ANKRD27: variants seen among roughly 807,000 people sequenced by gnomAD.
ANKRD27 encodes ankyrin repeat domain-containing protein 27.
ANKRD27 carries 112 observed loss-of-function variants against 129.7 expected under a neutral mutation model. That is an observed-to-expected ratio of 0.86 (90% CI 0.74 to 1.01). The LOEUF is 1.01. Among genes scored for constraint, ANKRD27 ranks in the 50% least tolerant of loss-of-function variants. ANKRD27 has a pLI of 0.00. For missense variants in ANKRD27, 1,258 were observed against 1,300.5 expected, an observed-to-expected ratio of 0.97 and a Z score of 0.50; for synonymous variants, 516 against 511.2, an observed-to-expected ratio of 1.01 and a Z score of -0.13.
chr19:32,608,247 G>C, intron 22 of ANKRD27: 1 of 241,818 alleles, frequency 4.1e-6, no homozygotes, highest in Non-Finnish European at 7.9e-6. Context: ...CCAGGTTCAT[G>C]TGGTCCTCCC....
chr19:32,604,318 G>T lies in ANKRD27; in HGVS notation c.2600C>A (p.Ala867Glu), dbSNP rs753864994. ...FVVELLLLHGASVQVLNKRQR... is the reference protein window; with the variant it reads ...FVVELLLLHGESVQVLNKRQR... ...CCGCTTGTTCAGCACCTGAACTGACGCTCCGTGGAGCAGAAGCAGCTCTAC... is the reference window on the plus strand; with the variant it reads ...CCGCTTGTTCAGCACCTGAACTGACTCTCCGTGGAGCAGAAGCAGCTCTAC... The change falls in exon 25 of 29, where the codon GCG (alanine) becomes GAG (glutamate). Residue 867 changes from alanine (A) to glutamate (E), a missense_variant. Transcript: ENST00000306065. 1.9e-6 allele frequency: 3 copies of T among 1,613,862 alleles called. No homozygotes were observed. Among genetic ancestry groups the T allele is most frequent in the Non-Finnish European group, 2.5e-6 (3 of 1,180,012 alleles).
At position 32,633,550 on chromosome 19, in the gene ANKRD27, C is replaced by CT. The variant is rs548877582; in HGVS notation, c.1117-2057dup. 5.0e-4 allele frequency among the ~76,000 whole-genome samples: 76 copies of CT among 151,692 alleles called. 4 individuals carry two copies. In the South Asian group the frequency reaches 0.016, roughly 31 times the overall value. On this transcript the variant is annotated intron_variant, in intron 12 of 28. Transcript: ENST00000306065. ...CATTGCCCAGGCTGGTCTCGAACTC[C>CT]TGGCCTCAGGTGATCCTCCTGCCTC...
intron 23 of ANKRD27, 92 bp from the exon 24 acceptor site, chr19:32,606,046 TA>T (rs1462356536): frequency 1.7e-6 from 2 of 1,182,240 alleles, no homozygotes; most frequent in South Asian, 2.0e-5. Context: ...AATAAATAAA[TA>T]AAATAAGAAA....
chr19:32,623,479 CTG>C (rs1488172087), intron 17 of ANKRD27, among the ~76,000 whole-genome samples: 2 of 151,944 alleles, frequency 1.3e-5, no homozygotes, highest in African/African-American at 4.8e-5. Flanking sequence ...ACCACACTTC[CTG>C]TGTGTTGTTC....
rs554974570 is a variant in ANKRD27, at chr19:32,629,094, T to C, written c.1210-245A>G. ...TGCCACCACACCTGGCTAATTTTTA[T>C]ATTTTTAGTAGACACGGGGTTTTGC... On this transcript the variant is annotated intron_variant, in intron 13 of 28. Transcript: ENST00000306065. 3.3e-5 allele frequency among the ~76,000 whole-genome samples: 5 copies of C among 152,298 alleles called. No individual in the cohort carries two copies. In the East Asian group the frequency reaches 9.7e-4, roughly 30 times the overall value.
At chr19:32,631,058 G>A (rs886808033) in intron 13 of ANKRD27, among the ~76,000 whole-genome samples, 3 of 151,222 alleles carry the variant, frequency 2.0e-5, no homozygotes, top group African/African-American at 7.3e-5. Context: ...TCTCTCTGTC[G>A]CCCAGGCTAG....
chr19:32,615,312 C>G (rs913789379), intron 22 of ANKRD27, among the ~76,000 whole-genome samples: 1 of 152,162 alleles, frequency 6.6e-6, no homozygotes, highest in Non-Finnish European at 1.5e-5. Flanking sequence ...TGGCCAGGAG[C>G]AGTGGCTCAC....
intron 17 of ANKRD27, 139 bp from the exon 18 acceptor site, chr19:32,622,758 CCTCATT>C: frequency 2.8e-6 from 2 of 703,896 alleles, no homozygotes; most frequent in South Asian, 3.6e-5. Flanking sequence ...GATCAGGACA[CCTCATT>C]CTCATTCATT....
At chr19:32,638,182 T>C (rs1967126875) in intron 12 of ANKRD27, 1 of 152,274 alleles carries the variant, frequency 6.6e-6, no homozygotes, top group South Asian at 2.1e-4. Flanking sequence ...GAACTCATGG[T>C]GCTTTCTCCA....
chr19:32,673,464 T>G, intron 1 of ANKRD27: 1 of 985,256 alleles, frequency 1.0e-6, no homozygotes. Context: ...TCCCCTGCAC[T>G]CCCCACCAGG....
At chr19:32,605,458 G>A (rs140875601) in intron 24 of ANKRD27, among the ~76,000 whole-genome samples, 3 of 152,326 alleles carry the variant, frequency 2.0e-5, no homozygotes, top group African/African-American at 7.2e-5. Flanking sequence ...GTCATGGACA[G>A]GTTGGTTTTT....
chr19:32,663,229 C>G (rs1967680740), intron 1 of ANKRD27, among the ~76,000 whole-genome samples: 1 of 152,128 alleles, frequency 6.6e-6, no homozygotes, highest in African/African-American at 2.4e-5. Flanking sequence ...GCCTAGGTGG[C>G]CCAGCAAGCA....
intron 1 of ANKRD27, among the ~76,000 whole-genome samples, chr19:32,670,382 C>T (rs894240608): frequency 6.6e-6 from 1 of 152,240 alleles, no homozygotes; most frequent in East Asian, 1.9e-4. Flanking sequence ...CTGTTCTCAA[C>T]CTTTCTGTCC....
intron 2 of ANKRD27, among the ~76,000 whole-genome samples, chr19:32,650,291 C>T (rs533966661): frequency 3.9e-4 from 59 of 152,312 alleles, no homozygotes; most frequent in Middle Eastern, 3.4e-3. Flanking sequence ...GTGGCTCATG[C>T]CTATAATCGT....
chr19:32,633,926 A>T (rs756023696), intron 12 of ANKRD27, among the ~76,000 whole-genome samples: 13 of 152,032 alleles, frequency 8.6e-5, no homozygotes, highest in Non-Finnish European at 1.6e-4. Context: ...GCCACCCAGG[A>T]GGCTGAGGCA....
At position 32,613,706 on chromosome 19, in the gene ANKRD27, C is replaced by CTTTTT. The variant is rs58394462; in HGVS notation, c.2175+1947_2175+1951dup. ...GTATACTGTGATTACATTTATGTAA[C>CTTTTT]TTTTTTTTTTTTTTTTTTTTGAGAC... On this transcript the variant is annotated intron_variant, in intron 22 of 28. Coordinates refer to ENST00000306065, the MANE Select transcript of ANKRD27 (RefSeq NM_032139.3). 1.1e-4 allele frequency among the ~76,000 whole-genome samples: 15 copies of CTTTTT among 132,984 alleles called. 4 individuals are homozygous for CTTTTT. Among genetic ancestry groups the CTTTTT allele is most frequent in the East Asian group, 2.2e-4 (1 of 4,592 alleles). The allele number at this position is 132,984 out of a possible 152,430, so 87.2% of individuals were successfully genotyped here.
rs375111418 is a variant in ANKRD27 at position 32,639,371 on chromosome 19, G to C, written c.1101C>G (p.Leu367=). ...GAGATCTTACAGGGGGTTTAGCAGA[G>C]AGGCTTCCTTGCCGAATATATTCAA... The part of the protein sequence containing the change: ...AAIEYIRQGS[L]SAKPPESEGF... The change falls in exon 12 of 29, where the codon CTC becomes CTG. Residue 367 remains leucine (L), a synonymous_variant. Coordinates refer to ENST00000306065, the MANE Select transcript of ANKRD27 (RefSeq NM_032139.3). The C allele has an allele frequency of 2.5e-6, 4 of 1,614,234 alleles. No individual in the cohort carries two copies. Among genetic ancestry groups the C allele is most frequent in the African/African-American group, 2.7e-5 (2 of 75,072 alleles).
In ANKRD27 at chr19:32,602,000, A is replaced by T. The variant is rs1220507478; in HGVS notation, c.2767+15T>A. The T allele has an allele frequency of 6.5e-7, 1 of 1,549,310 alleles. No individual in the cohort carries two copies. Reference sequence around the variant, plus strand: ...TACCCAACTTGAGCGTGACAGAAAGAACGTAAACTCTTACATTTTTTCCTG... The same window carrying T: ...TACCCAACTTGAGCGTGACAGAAAGTACGTAAACTCTTACATTTTTTCCTG... On this transcript the variant is annotated intron_variant, in intron 26 of 28. Transcript: ENST00000306065.
chr19:32,672,144 G>T (rs149890989), intron 1 of ANKRD27, among the ~76,000 whole-genome samples: 1,804 of 152,332 alleles, frequency 0.012, 45 homozygotes, highest in African/African-American at 0.041. Context: ...GGCCGTTCCC[G>T]CCCTTCCGGG....
Sources: gnomAD v4.1 joint callset for allele counts (sites outside exome capture counted in the v4.1 genomes callset) on GRCh38, gnomAD v4.1.1 for gene constraint, MANE v1.5 for transcripts, NCBI Gene and HGNC (gene_info 2026-07-23, HGNC 2026-07-21) for gene names.